MUC4: variants seen among roughly 807,000 people sequenced by gnomAD.
The protein encoded by MUC4 is mucin 4, cell surface associated.
In MUC4, 202 loss-of-function variants were observed where a neutral mutation model predicts 257.9. That is an observed-to-expected ratio of 0.78 (90% CI 0.70 to 0.88). The LOEUF (loss-of-function observed/expected upper bound fraction) is 0.88, where lower values mean the gene tolerates loss of function less well. MUC4 is among the 40% of genes least tolerant of loss of function. The pLI is 0.00. For synonymous variants in MUC4, 2,351 were observed against 2,757.1 expected, an observed-to-expected ratio of 0.85 and a Z score of 4.62; for missense variants, 5,976 against 6,513.7, an observed-to-expected ratio of 0.92 and a Z score of 2.84.
At chr3:195,752,221 C>T (rs1340437371) in intron 21 of MUC4, 152 bp downstream of exon 21, 14 of 705,824 alleles carry the variant, frequency 2.0e-5, no homozygotes, top group East Asian at 7.9e-5. Context: ...CTTCCTAATG[C>T]CCTGCACCTC....
chr3:195,799,331 T>C (rs114610625), intron 1 of MUC4, among the ~76,000 whole-genome samples: 2,018 of 152,144 alleles, frequency 0.013, 50 homozygotes, highest in African/African-American at 0.046. Flanking sequence ...TTTTTCCAGA[T>C]GGAGTTTCAC....
rs115352161 is a variant in MUC4 at position 195,807,015 on chromosome 3, G to A, written c.82+4721C>T. 7.6e-3 allele frequency among the ~76,000 whole-genome samples: 1,153 copies of A among 152,294 alleles called. 5 individuals carry two copies. The highest frequency in any genetic ancestry group is 0.012 in the Non-Finnish European group (791 of 68,032). ...AGAGAGTCGATGTCTGTCCTCTGTGGTCCCTAAACACATACACGGGGAGTG... is the reference window on the plus strand; with the variant it reads ...AGAGAGTCGATGTCTGTCCTCTGTGATCCCTAAACACATACACGGGGAGTG... On this transcript the variant is annotated intron_variant, in intron 1 of 24. Transcript: ENST00000463781.
At position 195,767,898 on chromosome 3, in the gene MUC4, T is replaced by TCACCAC. The variant is rs1204867152; in HGVS notation, c.13529+1118_13529+1123dup. 1.1e-4 allele frequency among the ~76,000 whole-genome samples: 8 copies of TCACCAC among 75,076 alleles called. 1 individual carries two copies. In the East Asian group the frequency reaches 1.4e-3, roughly 13 times the overall value. The allele number at this position is 75,076 out of a possible 152,430, so 49.3% of individuals were successfully genotyped here. ...ACCATCACCACCATCACCACCACCA[T>TCACCAC]CACCACCATCACCATCGCCACTGCC... On this transcript the variant is annotated intron_variant, in intron 7 of 24. Transcript: ENST00000463781.
Position 195,789,394 on chromosome 3 carries a change from C to A in MUC4, c.2186G>T (p.Gly729Val), listed in dbSNP as rs753389388. The change falls in exon 2 of 25, where the codon GGC becomes GTC. Residue 729 changes from glycine to valine, a missense_variant. Gly to Val is a moderately radical substitution (Grantham distance 109, BLOSUM62 -3). Transcript: ENST00000463781. The part of the protein sequence containing the change: ...SHDATLGPSG[G>V]TSLSKTGALT... ...GGCACCTGTTTTGGAAAGTGACGTG[C>A]CTCCTGAGGGCCCCAGGGTGGCATC... 1.9e-6 allele frequency: 3 copies of A among 1,613,756 alleles called. No individual in the cohort carries two copies. Among genetic ancestry groups the A allele is most frequent in the Non-Finnish European group, 1.7e-6 (2 of 1,179,864 alleles).
intron 1 of MUC4, among the ~76,000 whole-genome samples, chr3:195,801,386 A>AG (rs1156952525): frequency 1.3e-5 from 2 of 151,856 alleles, no homozygotes; most frequent in Non-Finnish European, 2.9e-5. Flanking sequence ...AAAGAACCAA[A>AG]GCCGTGCCCT....
intron 1 of MUC4, among the ~76,000 whole-genome samples, chr3:195,805,219 G>C (rs1397251262): frequency 1.3e-5 from 2 of 151,970 alleles, no homozygotes; most frequent in African/African-American, 4.8e-5. Flanking sequence ...AACGATCCCC[G>C]CCGAAGTCAC....
In MUC4 at chr3:195,748,908, C is replaced by CATA; in HGVS notation, c.16027_16028insTAT (p.Arg5343delinsLeuCys). 6.3e-7 allele frequency: 1 copy of CATA among 1,579,252 alleles called. No individual in the cohort carries two copies. Among genetic ancestry groups the CATA allele is most frequent in the South Asian group, 1.2e-5 (1 of 86,140 alleles). ...TGGCCACAGCCCTATGCACCTGCAG[C>CATA]GGGGCCCACTGGGCAGGTGCTGGCA... is the stretch of plus-strand genomic sequence containing the variant. On this transcript the variant is annotated protein_altering_variant, in exon 24 of 25. Coordinates refer to ENST00000463781, the MANE Select transcript of MUC4 (RefSeq NM_018406.7).
chr3:195,788,471 G>C lies in MUC4; in HGVS notation c.3109C>G (p.His1037Asp), dbSNP rs758357324. The C allele has an allele frequency of 4.5e-6, 7 of 1,541,424 alleles. No individual in the cohort carries two copies. The highest frequency in any genetic ancestry group is 5.3e-6 in the Non-Finnish European group (6 of 1,142,100). ...VTDTSSESTG[H>D]VTPLPVTSFS... ...CTGGTGACAGGAAGAGGGGTGACGT[G>C]ACCTGTGGATTCTGAGGAAGTGTCG... The change falls in exon 2 of 25, where the codon CAC becomes GAC. Residue 1037 changes from histidine to aspartate, a missense_variant. Transcript: ENST00000463781.
chr3:195,753,320 T>C, intron 19 of MUC4, 90 bp from the exon 20 acceptor site: 1 of 1,352,936 alleles, frequency 7.4e-7, no homozygotes, highest in Non-Finnish European at 1.0e-6. Flanking sequence ...ACAGGCTTGC[T>C]TTCCCCCAGT....
chr3:195,804,089 C>T (rs919007690), intron 1 of MUC4, among the ~76,000 whole-genome samples: 3 of 152,218 alleles, frequency 2.0e-5, no homozygotes, highest in African/African-American at 7.2e-5. Context: ...TTAAGACATT[C>T]TCTCAGAGGA....
rs1404048857 is a variant in MUC4 at position 195,779,544 on chromosome 3, A to T, written c.12036T>A (p.Gly4012=). The change falls in exon 2 of 25, where the codon GGT becomes GGA. Residue 4012 remains glycine (G), a synonymous_variant. Transcript: ENST00000463781. ...TGGTGACAGGAAGAGGGGTGGCGTG[A>T]CCTGTAGATACTGAGGAAGTGCTGG... The part of the protein sequence containing the change: ...PVTSTSSVST[G]HATPLPVTSP... The T allele has an allele frequency of 1.2e-4, 145 of 1,235,790 alleles. 23 individuals are homozygous for T. The African/African-American group carries it at 2.2e-3, about 19-fold the overall frequency. The allele number at this position is 1,235,790 out of a possible 1,614,324, so 76.6% of individuals were successfully genotyped here.
At chr3:195,748,626 G>A (rs1458107370) in intron 24 of MUC4, among the ~76,000 whole-genome samples, 7 of 152,268 alleles carry the variant, frequency 4.6e-5, no homozygotes, top group South Asian at 2.1e-4. Context: ...AACCTACTGC[G>A]TCCTGGGGCA....
intron 13 of MUC4, among the ~76,000 whole-genome samples, 163 bp from the exon 14 acceptor site, chr3:195,762,417 G>C (rs1402729290): frequency 6.7e-6 from 1 of 149,602 alleles, no homozygotes; most frequent in East Asian, 2.0e-4. Context: ...TGCACGCCCC[G>C]CTCGGGGGTA....
intron 1 of MUC4, among the ~76,000 whole-genome samples, chr3:195,800,691 C>T (rs1277860376): frequency 6.6e-6 from 1 of 152,052 alleles, no homozygotes; most frequent in Non-Finnish European, 1.5e-5. Flanking sequence ...CAAGTATGAC[C>T]TATCTTTACA....
At chr3:195,761,675 G>A (rs921152352) in intron 14 of MUC4, 90 bp from the exon 15 acceptor site, 1 of 1,004,440 alleles carries the variant, frequency 1.0e-6, no homozygotes, top group Non-Finnish European at 1.5e-6. Context: ...GGAGAGGCCA[G>A]GGCCTGGCAG....
chr3:195,749,443 T>C (rs1443015903), intron 23 of MUC4, among the ~76,000 whole-genome samples: 1 of 152,156 alleles, frequency 6.6e-6, no homozygotes, highest in Non-Finnish European at 1.5e-5. Context: ...TGACTAGATG[T>C]GTAATTCAGG....
intron 1 of MUC4, among the ~76,000 whole-genome samples, chr3:195,800,283 A>C (rs891330613): frequency 3.3e-5 from 5 of 152,076 alleles, no homozygotes; most frequent in Non-Finnish European, 7.4e-5. Context: ...ATCTCAAAAA[A>C]AAAAAAAATT....
At position 195,790,462 on chromosome 3, in the gene MUC4, C is replaced by A. The variant is rs774030086; in HGVS notation, c.1118G>T (p.Gly373Val). The change falls in exon 2 of 25, where the codon GGT (glycine) becomes GTT (valine). Residue 373 changes from glycine to valine, a missense_variant. By Grantham distance (109) the Gly-to-Val change is moderately radical. Coordinates refer to ENST00000463781, the MANE Select transcript of MUC4 (RefSeq NM_018406.7). ...GGAAGGGGATGAGGTGGTTGTTTCA[C>A]CAGAAGGGAATGTCTCCTGAGAAAC... ...GTVSQETFPS[G>V]ETTTSSPSSV... The A allele has an allele frequency of 1.8e-5, 29 of 1,613,800 alleles. No homozygotes were observed. In the South Asian group the frequency reaches 3.1e-4, roughly 17 times the overall value.
intron 1 of MUC4, among the ~76,000 whole-genome samples, chr3:195,794,639 G>A (rs1487421265): frequency 6.6e-6 from 1 of 152,070 alleles, no homozygotes; most frequent in Non-Finnish European, 1.5e-5. Context: ...TGGGATTAAA[G>A]GTGTGAGCCA....
Sources: gnomAD v4.1 joint callset for allele counts (sites outside exome capture counted in the v4.1 genomes callset) on GRCh38, gnomAD v4.1.1 for gene constraint, MANE v1.5 for transcripts, NCBI Gene and HGNC (gene_info 2026-07-23, HGNC 2026-07-21) for gene names.